Variants in PDE10A observed in about 807,000 individuals in gnomAD.
The protein encoded by PDE10A is phosphodiesterase 10A.
Under a neutral mutation model 97.7 loss-of-function variants are expected in PDE10A, and 39 were observed. That is an observed-to-expected ratio of 0.40 (90% CI 0.31 to 0.52). The LOEUF is 0.52. PDE10A is among the 20% of genes least tolerant of loss of function. The probability of loss-of-function intolerance (pLI) is 0.56; values close to 1 mark genes in which losing one functional copy is unlikely to be tolerated. For missense variants in PDE10A, 731 were observed against 1,047.8 expected, an observed-to-expected ratio of 0.70 and a Z score of 4.17; for synonymous variants, 371 against 376.8, an observed-to-expected ratio of 0.98 and a Z score of 0.18.
At chr6:165,817,025 A>C (rs963429987) in intron 1 of PDE10A, among the ~76,000 whole-genome samples, 2 of 152,308 alleles carry the variant, frequency 1.3e-5, no homozygotes, top group Middle Eastern at 3.4e-3. Context: ...TAGGGGGAAG[A>C]AAAGGATGTC....
At chr6:165,860,696 T>C (rs2128476621) in intron 1 of PDE10A, among the ~76,000 whole-genome samples, 1 of 152,352 alleles carries the variant, frequency 6.6e-6, no homozygotes, top group Non-Finnish European at 1.5e-5. Context: ...TAGGCGAATT[T>C]GCAAATACGG....
At chr6:165,707,028 A>G (rs888360462) in intron 1 of PDE10A, among the ~76,000 whole-genome samples, 1 of 152,216 alleles carries the variant, frequency 6.6e-6, no homozygotes, top group Non-Finnish European at 1.5e-5. Flanking sequence ...AAAAATTATA[A>G]TCCAAAAGTT....
intron 1 of PDE10A, among the ~76,000 whole-genome samples, chr6:165,589,073 C>G (rs1197676982): frequency 6.6e-6 from 1 of 152,084 alleles, no homozygotes; most frequent in Non-Finnish European, 1.5e-5. Flanking sequence ...AATATATTGC[C>G]AACATATACA....
chr6:165,558,239 T>C (rs1347323309), intron 1 of PDE10A, among the ~76,000 whole-genome samples: 1 of 151,908 alleles, frequency 6.6e-6, no homozygotes, highest in Non-Finnish European at 1.5e-5. Context: ...ATAAAGAAAA[T>C]GTGGCACATA....
At chr6:165,827,038 C>T (rs2128470341) in intron 1 of PDE10A, among the ~76,000 whole-genome samples, 1 of 152,250 alleles carries the variant, frequency 6.6e-6, no homozygotes, top group Middle Eastern at 3.4e-3. Flanking sequence ...GCCGCACAGC[C>T]TCGGTTGTCC....
chr6:165,761,399 A>C (rs1793247093), intron 1 of PDE10A, among the ~76,000 whole-genome samples: 1 of 152,264 alleles, frequency 6.6e-6, no homozygotes, highest in Non-Finnish European at 1.5e-5. Context: ...CTCAGTTGAC[A>C]CAGATCTTTC....
chr6:165,894,035 G>A (rs544456715), intron 1 of PDE10A, among the ~76,000 whole-genome samples: 2 of 152,134 alleles, frequency 1.3e-5, no homozygotes, highest in African/African-American at 2.4e-5. Context: ...GTCTCCCCTC[G>A]TTGCTCCTCC....
chr6:165,898,632 A>G (rs4709993), intron 1 of PDE10A, among the ~76,000 whole-genome samples: 70,112 of 151,596 alleles, frequency 0.46, 16,452 homozygotes, highest in East Asian at 0.66. Context: ...CCCTGAGGGC[A>G]TCTACACCTC....
At position 165,658,918 on chromosome 6, in the gene PDE10A, G is replaced by A. The variant is rs3008059; in HGVS notation, c.865+3029C>T. 6.2e-4 allele frequency among the ~76,000 whole-genome samples: 94 copies of A among 152,284 alleles called. 1 individual carries two copies. Among genetic ancestry groups the A allele is most frequent in the African/African-American group, 2.0e-3 (85 of 41,542 alleles). On this transcript the variant is annotated intron_variant, in intron 1 of 21. Coordinates refer to ENST00000539869, the MANE Select transcript of PDE10A (RefSeq NM_001385079.1). The stretch of plus-strand genomic sequence containing the variant: ...TGACCCCTGGGCATTAACTTCAAAC[G>A]TGCTTCTAGGGGACTCTGTCTCTAT...
chr6:165,627,242 A>G (rs1344941371), intron 1 of PDE10A, among the ~76,000 whole-genome samples: 1 of 152,222 alleles, frequency 6.6e-6, no homozygotes, highest in African/African-American at 2.4e-5. Context: ...TATGTAACAT[A>G]CAGGCATAAG....
intron 1 of PDE10A, among the ~76,000 whole-genome samples, chr6:165,839,068 G>A (rs1189230794): frequency 6.6e-6 from 1 of 152,190 alleles, no homozygotes; most frequent in Non-Finnish European, 1.5e-5. Context: ...GATAGGACTA[G>A]TTCAATGAAA....
chr6:165,590,385 C>T (rs1356315840), intron 1 of PDE10A, among the ~76,000 whole-genome samples: 1 of 152,178 alleles, frequency 6.6e-6, no homozygotes, highest in African/African-American at 2.4e-5. Context: ...CGTCTGCTTC[C>T]AGAGTCATGC....
In PDE10A at chr6:165,580,704, T is replaced by A. The variant is rs566976468; in HGVS notation, c.866-37136A>T. Among the ~76,000 whole-genome samples the A allele has an allele frequency of 8.4e-4, 128 of 152,162 alleles. 4 individuals carry two copies. The South Asian group carries it at 0.024, about 28-fold the overall frequency. ...TCAAACTCACATATATATGGTGTAATGAGAAAGAAGATGGTAAGTGTCCTA... is the reference window on the plus strand; with the variant it reads ...TCAAACTCACATATATATGGTGTAAAGAGAAAGAAGATGGTAAGTGTCCTA... On this transcript the variant is annotated intron_variant, in intron 1 of 21. Coordinates refer to ENST00000539869, the MANE Select transcript of PDE10A (RefSeq NM_001385079.1).
intron 1 of PDE10A, among the ~76,000 whole-genome samples, chr6:165,588,178 G>C (rs1192145156): frequency 6.6e-6 from 1 of 151,630 alleles, no homozygotes; most frequent in African/African-American, 2.4e-5. Context: ...ATTGACACTA[G>C]GTGAAAATAC....
intron 1 of PDE10A, among the ~76,000 whole-genome samples, chr6:165,927,759 C>T (rs9457120): frequency 6.7e-6 from 1 of 148,244 alleles, no homozygotes; most frequent in Non-Finnish European, 1.5e-5. Flanking sequence ...TGCAGTGGCA[C>T]CATCTCGGCT....
chr6:165,498,291 T>A (rs1780655812), intron 2 of PDE10A, among the ~76,000 whole-genome samples: 1 of 150,850 alleles, frequency 6.6e-6, no homozygotes, highest in Non-Finnish European at 1.5e-5. Flanking sequence ...GCACCTATAG[T>A]CCTGGCTATT....
At chr6:165,855,577 A>T (rs1213752033) in intron 1 of PDE10A, among the ~76,000 whole-genome samples, 1 of 143,062 alleles carries the variant, frequency 7.0e-6, no homozygotes, top group Non-Finnish European at 1.6e-5. Flanking sequence ...GTTAACATCC[A>T]CTTTCCTCAT....
At chr6:165,760,996 G>A (rs1470691513) in intron 1 of PDE10A, among the ~76,000 whole-genome samples, 1 of 152,194 alleles carries the variant, frequency 6.6e-6, no homozygotes, top group Non-Finnish European at 1.5e-5. Flanking sequence ...CCTCTGACCA[G>A]CTTACACACT....
intron 1 of PDE10A, among the ~76,000 whole-genome samples, chr6:165,881,517 T>A (rs2128480524): frequency 6.7e-6 from 1 of 150,122 alleles, no homozygotes; most frequent in East Asian, 2.0e-4. Flanking sequence ...TGCCTCAGCC[T>A]CCTGAGGATT....
Sources: allele counts gnomAD v4.1 joint callset (sites outside exome capture counted in the v4.1 genomes callset), GRCh38; gene constraint gnomAD v4.1.1; transcripts MANE v1.5; gene names NCBI Gene and HGNC (gene_info 2026-07-23, HGNC 2026-07-21).